REV3L: variants seen among roughly 807,000 people sequenced by gnomAD.
REV3L encodes the protein DNA polymerase zeta catalytic subunit.
In REV3L, 69 loss-of-function variants were observed where a neutral mutation model predicts 299.4. The observed-to-expected ratio is 0.23, with a 90% CI of 0.19 to 0.28. The LOEUF (loss-of-function observed/expected upper bound fraction) is 0.28, where lower values mean the gene tolerates loss of function less well. Among genes scored for constraint, REV3L ranks in the 10% least tolerant of loss-of-function variants. The probability of loss-of-function intolerance (pLI) is 1.00; values close to 1 mark genes in which losing one functional copy is unlikely to be tolerated. For missense variants in REV3L, 3,128 were observed against 3,693.8 expected (o/e 0.85, Z 3.97); for synonymous variants, 1,238 against 1,271.4 (o/e 0.97, Z 0.56).
At chr6:111,395,039 C>T (rs140258062) in intron 4 of REV3L, among the ~76,000 whole-genome samples, 1 of 152,172 alleles carries the variant, frequency 6.6e-6, no homozygotes, top group Non-Finnish European at 1.5e-5. Flanking sequence ...GTTACTAAAG[C>T]TTTGTAGTAT....
At chr6:111,333,809 CGAAAAGGGATAT>C (rs1327750785) in intron 22 of REV3L, among the ~76,000 whole-genome samples, 22 of 152,102 alleles carry the variant, frequency 1.4e-4, no homozygotes, top group African/African-American at 5.1e-4. Context: ...CTTTCAGATG[CGAAAAGGGATAT>C]ATGTAAATCC....
At position 111,390,144 on chromosome 6, in the gene REV3L, T is replaced by A. The variant is rs1447409014; in HGVS notation, c.699A>T (p.Thr233=). 3.7e-6 allele frequency: 6 copies of A among 1,610,574 alleles called. No homozygotes were observed. Among genetic ancestry groups the A allele is most frequent in the East Asian group, 4.5e-5 (2 of 44,814 alleles). The stretch of plus-strand genomic sequence containing the variant: ...CTACAGCATCCACTTCTAATTCACA[T>A]GTACTCTGTGGTTCAACACCTTCCA... ...LILEGVEPQS[T]CELEVDAVAA... is the part of the protein sequence containing the mutation. Residue 233 remains threonine, a synonymous_variant, in exon 6 of 32, where the codon ACA becomes ACT. Transcript: ENST00000368802.
intron 25 of REV3L, 107 bp from the exon 26 acceptor site, chr6:111,322,785 CGAGAA>C (rs1219492781): frequency 2.5e-6 from 2 of 792,536 alleles, no homozygotes; most frequent in Non-Finnish European, 4.1e-6. Flanking sequence ...AGAAATGAAA[CGAGAA>C]AAGAACGTAA....
intron 3 of REV3L, among the ~76,000 whole-genome samples, chr6:111,410,995 G>A (rs1784182112): frequency 6.6e-6 from 1 of 152,004 alleles, no homozygotes; most frequent in Admixed American, 6.6e-5. Context: ...CTAGAGGCAG[G>A]GAGACTAACT....
At chr6:111,341,862 TG>T (rs1268629447) in intron 21 of REV3L, among the ~76,000 whole-genome samples, 1 of 151,980 alleles carries the variant, frequency 6.6e-6, no homozygotes, top group Non-Finnish European at 1.5e-5. Flanking sequence ...AGCAGCTCGC[TG>T]GGGGTTGAGT....
intron 2 of REV3L, among the ~76,000 whole-genome samples, chr6:111,412,474 C>T (rs1046123246): frequency 1.1e-4 from 16 of 151,860 alleles, no homozygotes; most frequent in African/African-American, 3.1e-4. Flanking sequence ...CATAAACAGG[C>T]GTAAATTTGT....
At chr6:111,456,037 C>T (rs574941563) in intron 1 of REV3L, among the ~76,000 whole-genome samples, 4 of 152,190 alleles carry the variant, frequency 2.6e-5, no homozygotes, top group East Asian at 1.9e-4. Flanking sequence ...TGGGACATTT[C>T]GTTTTCTAAT....
At chr6:111,313,204 C>A in intron 28 of REV3L, 148 bp downstream of exon 28, 1 of 633,210 alleles carries the variant, frequency 1.6e-6, no homozygotes, top group South Asian at 4.3e-5. Context: ...ATAAAATTCT[C>A]AAAATTCATG....
intron 1 of REV3L, among the ~76,000 whole-genome samples, chr6:111,468,453 C>T (rs940078129): frequency 6.6e-6 from 1 of 152,006 alleles, no homozygotes; most frequent in African/African-American, 2.4e-5. Flanking sequence ...AGAGTCTCAA[C>T]AGGAAAATGG....
chr6:111,478,978 G>T (rs531508198), intron 1 of REV3L, among the ~76,000 whole-genome samples: 1 of 152,318 alleles, frequency 6.6e-6, no homozygotes, highest in South Asian at 2.1e-4. Flanking sequence ...GAAGCTCTTT[G>T]AAAGGATAGT....
intron 3 of REV3L, among the ~76,000 whole-genome samples, chr6:111,408,553 G>A (rs1035313078): frequency 2.0e-5 from 3 of 152,024 alleles, no homozygotes; most frequent in East Asian, 1.9e-4. Context: ...GCAGTGAGCC[G>A]ACATGGTGCC....
At chr6:111,320,446 C>A (rs1159966819) in intron 26 of REV3L, among the ~76,000 whole-genome samples, 2 of 151,764 alleles carry the variant, frequency 1.3e-5, no homozygotes, top group Non-Finnish European at 2.9e-5. Flanking sequence ...TATTGTCCTT[C>A]CAAGGAAAAA....
chr6:111,461,776 A>G (rs1790801897), intron 1 of REV3L, among the ~76,000 whole-genome samples: 3 of 152,210 alleles, frequency 2.0e-5, no homozygotes, highest in East Asian at 3.9e-4. Context: ...AATTTCAGAA[A>G]GAGGTATAAA....
intron 1 of REV3L, among the ~76,000 whole-genome samples, chr6:111,429,793 G>C (rs1305068572): frequency 6.6e-6 from 1 of 152,114 alleles, no homozygotes; most frequent in African/African-American, 2.4e-5. Context: ...TGGCGCGGGG[G>C]GTGAGCACAG....
chr6:111,403,747 CAT>C (rs529800146), intron 4 of REV3L, among the ~76,000 whole-genome samples: 4 of 152,264 alleles, frequency 2.6e-5, no homozygotes, highest in East Asian at 3.9e-4. Context: ...GGAAGAGTCA[CAT>C]GTCTCTCACT....
chr6:111,419,128 A>G (rs765526140), intron 1 of REV3L, among the ~76,000 whole-genome samples: 11 of 152,320 alleles, frequency 7.2e-5, no homozygotes, highest in South Asian at 6.2e-4. Flanking sequence ...TAGTCACTCT[A>G]TCAACACAGA....
At position 111,300,042 on chromosome 6, in the gene REV3L, G is replaced by T. The variant is rs1401484980; in HGVS notation, c.9367C>A (p.Leu3123Ile). The stretch of plus-strand genomic sequence containing the variant: ...TAAAACTGGTCTAATAACTGCCGGA[G>T]ATATGGTGCCTTGGACAATTCTCTA... ...VNRELSKAPY[L>I]RQLLDQF is the part of the protein sequence containing the mutation. Residue 3123 changes from leucine (L) to isoleucine (I), a missense_variant, in exon 32 of 32, where the codon CTC becomes ATC. Around this residue, in one of 9 missense-constraint regions of REV3L, gnomAD observed 294 missense variants for 377.0 expected, o/e 0.78. Coordinates refer to ENST00000368802, the MANE Select transcript of REV3L (RefSeq NM_001372078.1). The T allele has an allele frequency of 5.6e-6, 9 of 1,613,168 alleles. No homozygotes were observed. The highest frequency in any genetic ancestry group is 1.1e-5 in the South Asian group (1 of 90,898).
chr6:111,314,854 T>A (rs1287486713), intron 27 of REV3L, among the ~76,000 whole-genome samples: 1 of 151,264 alleles, frequency 6.6e-6, no homozygotes, highest in Non-Finnish European at 1.5e-5. Flanking sequence ...AAATACTTTT[T>A]TTTTTTTTTT....
chr6:111,430,173 G>T (rs1428083371), intron 1 of REV3L: 1 of 792,028 alleles, frequency 1.3e-6, no homozygotes, highest in Admixed American at 1.7e-5. Context: ...AGACTTGCCC[G>T]GTGAGAAGCC....
Sources: gnomAD v4.1 joint callset for allele counts (sites outside exome capture counted in the v4.1 genomes callset) on GRCh38, gnomAD v4.1.1 for gene constraint, gnomAD v4.1.1 regional missense constraint, MANE v1.5 for transcripts, NCBI Gene and HGNC (gene_info 2026-07-23, HGNC 2026-07-21) for gene names.